TMCC2: variants seen among roughly 807,000 people sequenced by gnomAD.
The protein encoded by TMCC2 is transmembrane and coiled-coil domain family 2.
In TMCC2, 16 loss-of-function variants were observed where a neutral mutation model predicts 49.4. The ratio of observed to expected loss-of-function variants is 0.32; its 90% CI spans 0.22 to 0.49. The LOEUF (loss-of-function observed/expected upper bound fraction) is 0.49. Among genes scored for constraint, TMCC2 ranks in the 20% least tolerant of loss-of-function variants. The probability of loss-of-function intolerance (pLI) is 0.99; values close to 1 mark genes in which losing one functional copy is unlikely to be tolerated. For synonymous variants in TMCC2, 397 were observed against 434.1 expected (o/e 0.91, Z 1.06); for missense variants, 762 against 989.8 (o/e 0.77, Z 3.09).
In TMCC2 at chr1:205,265,684, C is replaced by T. The variant is rs539048559; in HGVS notation, c.748-3266C>T. On this transcript the variant is annotated intron_variant, in intron 2 of 4. Transcript: ENST00000358024. ...CAAGAAATTCTCCTGCCTCAGCCTC[C>T]TCAGTAGCTGGGATTACAGGCGTCC... 3.9e-5 allele frequency among the ~76,000 whole-genome samples: 6 copies of T among 151,924 alleles called. No homozygotes were observed. In the South Asian group the frequency reaches 1.0e-3, roughly 26 times the overall value.
chr1:205,247,732 A>AT (rs1258429907), intron 2 of TMCC2, among the ~76,000 whole-genome samples: 1 of 151,948 alleles, frequency 6.6e-6, no homozygotes, highest in Non-Finnish European at 1.5e-5. Context: ...ACTAGCATCT[A>AT]TTTTTAATTC....
Position 205,241,616 on chromosome 1 carries a change from C to A in TMCC2, c.319C>A (p.Gln107Lys), listed in dbSNP as rs1415408852. Residue 107 changes from glutamine to lysine, a missense_variant, in exon 2 of 5, where the codon CAG becomes AAG. This residue lies in a region of TMCC2 where 322 missense variants were observed against 353.1 expected (regional missense o/e 0.91). Coordinates refer to ENST00000358024, the MANE Select transcript of TMCC2 (RefSeq NM_014858.4). The surrounding 1 kb of genome is among the most constrained non-coding windows in gnomAD (Gnocchi z 7.3). ...REHQTSQDSQ[Q>K]HQQQQGMSDH... is the part of the protein sequence containing the mutation. ...GCACCAGACGTCTCAGGATTCCCAG[C>A]AGCATCAGCAGCAGCAGGGTATGTC... 6.2e-7 allele frequency: 1 copy of A among 1,613,988 alleles called. No homozygotes were observed. Among genetic ancestry groups the A allele is most frequent in the Non-Finnish European group, 8.5e-7 (1 of 1,180,002 alleles).
Position 205,234,445 on chromosome 1 carries a change from CAAAAAT to C in TMCC2, c.207+5680_207+5685del, listed in dbSNP as rs1277936058. On this transcript the variant is annotated intron_variant, in intron 1 of 4. Transcript: ENST00000358024. ...TGGGCGACAGAGCGAGACTCTGTCT[CAAAAAT>C]AAAAAACAAAACAAACAAACAAAAA... Among the ~76,000 whole-genome samples the C allele has an allele frequency of 5.3e-5, 8 of 151,558 alleles. No individual in the cohort carries two copies. The East Asian group carries it at 1.4e-3, about 26-fold the overall frequency.
intron 1 of TMCC2, among the ~76,000 whole-genome samples, chr1:205,237,865 A>G (rs1372522900): frequency 6.6e-6 from 1 of 152,088 alleles, no homozygotes; most frequent in African/African-American, 2.4e-5. Context: ...AGGGACAGCC[A>G]ACTCCCCTCA....
intron 2 of TMCC2, among the ~76,000 whole-genome samples, chr1:205,252,924 C>T (rs1329648550): frequency 6.6e-6 from 1 of 151,230 alleles, no homozygotes; most frequent in African/African-American, 2.4e-5. Flanking sequence ...AGTTCGAGGC[C>T]AGCCTGGGCA....
At chr1:205,228,810 A>G in intron 1 of TMCC2, 39 bp downstream of exon 1, 1 of 1,549,856 alleles carries the variant, frequency 6.5e-7, no homozygotes, top group Non-Finnish European at 8.7e-7. Context: ...CCAGCCCGCG[A>G]CTTAGCTCTC....
chr1:205,248,414 TA>T (rs1051881237), intron 2 of TMCC2, among the ~76,000 whole-genome samples: 1 of 152,140 alleles, frequency 6.6e-6, no homozygotes, highest in African/African-American at 2.4e-5. Context: ...ATCTCCATTT[TA>T]AAAAAATCGT....
At chr1:205,234,596 C>T (rs561532234) in intron 1 of TMCC2, among the ~76,000 whole-genome samples, 1 of 152,122 alleles carries the variant, frequency 6.6e-6, no homozygotes, top group Admixed American at 6.5e-5. Flanking sequence ...CTTAGAGCAT[C>T]ATGCAGTGCA....
chr1:205,259,122 A>C (rs1275217946), intron 2 of TMCC2, among the ~76,000 whole-genome samples: 4 of 152,072 alleles, frequency 2.6e-5, no homozygotes, highest in Admixed American at 6.5e-5. Flanking sequence ...ACCTGACTCC[A>C]TTGTCAGGAT....
chr1:205,252,199 C>A lies in TMCC2; in HGVS notation c.747+10155C>A, dbSNP rs536060237. ...CCCAACATCTGGGCTCATGTCTGTG[C>A]CCAAGAAGGACTACCTAAACAGGAG... On this transcript the variant is annotated intron_variant, in intron 2 of 4. Coordinates refer to ENST00000358024, the MANE Select transcript of TMCC2 (RefSeq NM_014858.4). Among the ~76,000 whole-genome samples the A allele has an allele frequency of 2.0e-5, 3 of 152,276 alleles. No homozygotes were observed. The East Asian group carries it at 5.8e-4, about 29-fold the overall frequency.
Position 205,229,751 on chromosome 1 carries a change from A to G in TMCC2, c.207+980A>G, listed in dbSNP as rs139083041. 2.7e-5 allele frequency: 27 copies of G among 985,440 alleles called. No individual in the cohort carries two copies. The East Asian group carries it at 2.8e-3, about 104-fold the overall frequency. The allele number at this position is 985,440 out of a possible 1,614,324, so 61.0% of individuals were successfully genotyped here. A position where few individuals can be genotyped will look rare whatever the true frequency, so the allele number is the denominator to read the frequency against. On this transcript the variant is annotated intron_variant, in intron 1 of 4. Coordinates refer to ENST00000358024, the MANE Select transcript of TMCC2 (RefSeq NM_014858.4). ...CATACATGCTGAGCCAGCAGCTAGA[A>G]CCAGAAGCCGAAAGAACTGTTCACA...
chr1:205,266,440 A>G (rs902244605), intron 2 of TMCC2, among the ~76,000 whole-genome samples: 1 of 151,436 alleles, frequency 6.6e-6, no homozygotes, highest in African/African-American at 2.4e-5. Context: ...AAAATACAAA[A>G]AAATTAGCCG....
chr1:205,244,334 G>T (rs1660379078), intron 2 of TMCC2, among the ~76,000 whole-genome samples: 2 of 152,208 alleles, frequency 1.3e-5, no homozygotes, highest in Non-Finnish European at 2.9e-5. Context: ...GTGAGTAGGT[G>T]AAAGGGTGTG....
chr1:205,269,972 A>G lies in TMCC2; in HGVS notation c.1682+88A>G, dbSNP rs1661515756. ...GGTTTCAGACCCAGGGTGTGGAGGC[A>G]GTCAGAGGAGCATCCTCAGCCTCCT... On this transcript the variant is annotated intron_variant, in intron 3 of 4. Transcript: ENST00000358024. 3.0e-6 allele frequency: 4 copies of G among 1,319,990 alleles called. No homozygotes were observed. In the East Asian group the frequency reaches 9.4e-5, roughly 31 times the overall value. 81.8% of individuals were successfully genotyped at this position (1,319,990 alleles called of 1,614,324 possible).
chr1:205,230,076 C>A (rs933971102), intron 1 of TMCC2: 3 of 985,306 alleles, frequency 3.0e-6, no homozygotes, highest in Non-Finnish European at 2.4e-6. Flanking sequence ...AAGCCTATAT[C>A]CTATGGCAGC....
At chr1:205,266,027 G>A (rs1661309036) in intron 2 of TMCC2, among the ~76,000 whole-genome samples, 15 of 135,848 alleles carry the variant, frequency 1.1e-4, no homozygotes, top group East Asian at 2.4e-4. Context: ...GGATCATGAG[G>A]TCAGGAGATC....
rs756270240 is a variant in TMCC2, at chr1:205,241,624, G to T, written c.327G>T (p.Gln109His). 6 of 1,613,774 alleles carry T rather than the reference G, an allele frequency of 3.7e-6. No individual in the cohort carries two copies. Among genetic ancestry groups the T allele is most frequent in the African/African-American group, 1.3e-5 (1 of 74,924 alleles). The part of the protein sequence containing the change: ...HQTSQDSQQH[Q>H]QQQGMSDHDS... ...CGTCTCAGGATTCCCAGCAGCATCA[G>T]CAGCAGCAGGGTATGTCCGACCATG... Residue 109 changes from glutamine to histidine, a missense_variant, in exon 2 of 5, where the codon CAG becomes CAT. Physicochemically the swap from Gln to His is conservative, Grantham distance 24. Around this residue, in one of 2 missense-constraint regions of TMCC2, gnomAD observed 322 missense variants for 353.1 expected, o/e 0.91. Coordinates refer to ENST00000358024, the MANE Select transcript of TMCC2 (RefSeq NM_014858.4). The surrounding 1 kb of genome is among the most constrained non-coding windows in gnomAD (Gnocchi z 7.3).
At chr1:205,232,794 G>C (rs1055070264) in intron 1 of TMCC2, among the ~76,000 whole-genome samples, 1 of 151,908 alleles carries the variant, frequency 6.6e-6, no homozygotes, top group African/African-American at 2.4e-5. Context: ...AATTAGCCAA[G>C]TGCAGTGGCA....
chr1:205,267,499 TA>T (rs971364599), intron 2 of TMCC2, among the ~76,000 whole-genome samples: 2 of 152,000 alleles, frequency 1.3e-5, no homozygotes, highest in Non-Finnish European at 2.9e-5. Context: ...GTGCTGTGTG[TA>T]AAAATACATG....
Sources: allele counts gnomAD v4.1 joint callset (sites outside exome capture counted in the v4.1 genomes callset), GRCh38; gene constraint gnomAD v4.1.1; regional missense constraint gnomAD v4.1.1; non-coding constraint Gnocchi (gnomAD v3.1); transcripts MANE v1.5; gene names NCBI Gene and HGNC (gene_info 2026-07-23, HGNC 2026-07-21).